GULP1: variants seen among roughly 807,000 people sequenced by gnomAD.
GULP1 encodes GULP PTB domain containing engulfment adaptor 1.
Under a neutral mutation model 40.9 loss-of-function variants are expected in GULP1, and 19 were observed. The observed-to-expected ratio is 0.46, with a 90% confidence interval of 0.32 to 0.68. GULP1 has a LOEUF of 0.68. GULP1 is among the 30% of genes least tolerant of loss of function. The probability of loss-of-function intolerance (pLI) is 0.03; values close to 1 mark genes in which losing one functional copy is unlikely to be tolerated. For synonymous variants in GULP1, 119 were observed against 117.6 expected (o/e 1.01, Z -0.08); for missense variants, 312 against 362.2 (o/e 0.86, Z 1.12).
At chr2:188,353,735 G>A (rs1485792614) in intron 1 of GULP1, among the ~76,000 whole-genome samples, 6 of 151,722 alleles carry the variant, frequency 4.0e-5, no homozygotes, top group African/African-American at 1.5e-4. Context: ...TGGCCTCCTA[G>A]AGTGGTAATG....
intron 2 of GULP1, among the ~76,000 whole-genome samples, chr2:188,454,603 G>C (rs925876912): frequency 6.6e-6 from 1 of 152,152 alleles, no homozygotes; most frequent in Non-Finnish European, 1.5e-5. Flanking sequence ...TCTGCCTCCT[G>C]CCTCTGTCAG....
chr2:188,338,788 A>G (rs935453395), intron 1 of GULP1, among the ~76,000 whole-genome samples: 54 of 152,170 alleles, frequency 3.5e-4, no homozygotes, highest in African/African-American at 1.3e-3. Flanking sequence ...TCTGTCCAGT[A>G]CTAGTGCCAG....
rs1451569839 is a variant in GULP1 at position 188,369,888 on chromosome 2, C to T, written c.-171-13875C>T. On this transcript the variant is annotated intron_variant, in intron 1 of 11. Coordinates refer to ENST00000409830, the MANE Select transcript of GULP1 (RefSeq NM_016315.4). ...GACGGAAGTCTCCCTCTGTCACCCA[C>T]GCTGGAGTGTGATGGTGCCATCATG... Among the ~76,000 whole-genome samples the T allele has an allele frequency of 3.9e-5, 6 of 152,150 alleles. No homozygotes were observed. In the South Asian group the frequency reaches 1.2e-3, roughly 32 times the overall value.
intron 2 of GULP1, among the ~76,000 whole-genome samples, chr2:188,421,141 A>G (rs961765378): frequency 1.3e-5 from 2 of 152,188 alleles, no homozygotes; most frequent in South Asian, 4.1e-4. Context: ...ACATGATCCT[A>G]TATGTAGAAA....
chr2:188,538,694 AGTGTGT>A (rs113650180), intron 6 of GULP1, among the ~76,000 whole-genome samples: 5,404 of 144,770 alleles, frequency 0.037, 124 homozygotes, highest in Middle Eastern at 0.065. Context: ...TGTGTGTGTG[AGTGTGT>A]GTGTGTGTGT....
At chr2:188,336,258 C>T (rs576433889) in intron 1 of GULP1, among the ~76,000 whole-genome samples, 4 of 152,234 alleles carry the variant, frequency 2.6e-5, no homozygotes, top group African/African-American at 9.6e-5. Context: ...CAGGAGATTG[C>T]GTGGTTGGGA....
chr2:188,464,665 T>A (rs930896110), intron 2 of GULP1, among the ~76,000 whole-genome samples: 1 of 152,160 alleles, frequency 6.6e-6, no homozygotes, highest in African/African-American at 2.4e-5. Flanking sequence ...GTCAGAAACC[T>A]TAGAAGTCCA....
intron 5 of GULP1, among the ~76,000 whole-genome samples, 200 bp from the exon 6 acceptor site, chr2:188,528,897 T>C (rs1260945679): frequency 6.6e-6 from 1 of 152,180 alleles, no homozygotes; most frequent in African/African-American, 2.4e-5. Flanking sequence ...AAAAACTTGC[T>C]GAAAATCAAT....
intron 2 of GULP1, among the ~76,000 whole-genome samples, chr2:188,476,645 A>T (rs2061034051): frequency 6.6e-6 from 1 of 152,136 alleles, no homozygotes; most frequent in Non-Finnish European, 1.5e-5. Context: ...CCTGTAATAT[A>T]CCTGTAACAC....
chr2:188,584,386 G>A lies in GULP1; in HGVS notation c.731G>A (p.Ser244Asn). The stretch of plus-strand genomic sequence containing the variant: ...GGCACACAGCCACCTCCAGTACCTA[G>A]TAGATCTACTGAGATTAGTAAGCTT... ...RNGTQPPPVPSRSTEIKRDLF... is the reference protein window; with the variant it reads ...RNGTQPPPVPNRSTEIKRDLF... Residue 244 changes from serine (S) to asparagine (N), a missense_variant, in exon 10 of 12, where the codon AGT becomes AAT. Transcript: ENST00000409830. 1 of 1,598,308 alleles carries A rather than the reference G, an allele frequency of 6.3e-7. No homozygotes were observed. The highest frequency in any genetic ancestry group is 8.6e-7 in the Non-Finnish European group (1 of 1,168,402).
chr2:188,586,665 G>A (rs532136678), intron 10 of GULP1, among the ~76,000 whole-genome samples: 1 of 152,078 alleles, frequency 6.6e-6, no homozygotes, highest in East Asian at 1.9e-4. Context: ...ATCTGTATTT[G>A]GATGATAAAT....
chr2:188,544,029 GACA>G (rs1691243158), intron 7 of GULP1, among the ~76,000 whole-genome samples: 1 of 152,014 alleles, frequency 6.6e-6, no homozygotes, highest in Non-Finnish European at 1.5e-5. Flanking sequence ...AATGCTGAAT[GACA>G]ACATTTAACC....
intron 2 of GULP1, among the ~76,000 whole-genome samples, chr2:188,432,162 A>G (rs373587364): frequency 1.3e-5 from 2 of 151,890 alleles, no homozygotes; most frequent in South Asian, 2.1e-4. Flanking sequence ...TTTTTAAGAA[A>G]AAATATCTTC....
Position 188,292,881 on chromosome 2 carries a change from C to T in GULP1, c.-172+715C>T, listed in dbSNP as rs1323097074. On this transcript the variant is annotated intron_variant, in intron 1 of 11. Transcript: ENST00000409830. The surrounding 1 kb of genome is among the most constrained non-coding windows in gnomAD (Gnocchi z 4.0). ...GTGATGAGCCCTTGGGTTCTCGCTC[C>T]GACTGCTAAATTCGCTTGGCCGGGT... The T allele has an allele frequency of 6.6e-6, 1 of 152,670 alleles. No homozygotes were observed. The highest frequency in any genetic ancestry group is 6.5e-5 in the Admixed American group (1 of 15,284). 9.5% of individuals were successfully genotyped at this position (152,670 alleles called of 1,614,324 possible). A position where few individuals can be genotyped will look rare whatever the true frequency, so the allele number is the denominator to read the frequency against.
intron 2 of GULP1, among the ~76,000 whole-genome samples, chr2:188,460,423 C>CT (rs58423265): frequency 0.78 from 112,170 of 143,652 alleles, 44,799 homozygotes; most frequent in East Asian, 0.95. Context: ...AATGGGAATT[C>CT]TTTTTTTTTT....
intron 1 of GULP1, among the ~76,000 whole-genome samples, chr2:188,349,451 G>T (rs993938576): frequency 1.3e-5 from 2 of 152,110 alleles, no homozygotes; most frequent in African/African-American, 4.8e-5. Context: ...GTGTGTAGTG[G>T]CATCTCTTTG....
chr2:188,569,187 A>G, intron 7 of GULP1, 52 bp from the exon 8 acceptor site: 2 of 924,044 alleles, frequency 2.2e-6, no homozygotes, highest in East Asian at 4.8e-5. Context: ...CTCGATTCAA[A>G]AACAGTTTGA....
chr2:188,466,757 C>G (rs2060163240), intron 2 of GULP1, among the ~76,000 whole-genome samples: 1 of 152,124 alleles, frequency 6.6e-6, no homozygotes. Context: ...GATCATGACT[C>G]ATGTATCCAA....
At chr2:188,544,759 T>A (rs1691463531) in intron 7 of GULP1, among the ~76,000 whole-genome samples, 1 of 151,848 alleles carries the variant, frequency 6.6e-6, no homozygotes. Context: ...TAACAAAATA[T>A]CTAACATTTG....
Sources: allele counts gnomAD v4.1 joint callset (sites outside exome capture counted in the v4.1 genomes callset), GRCh38; gene constraint gnomAD v4.1.1; non-coding constraint Gnocchi (gnomAD v3.1); transcripts MANE v1.5; gene names NCBI Gene and HGNC (gene_info 2026-07-23, HGNC 2026-07-21).